Variants in GPC6 observed in about 807,000 individuals in gnomAD.
GPC6 encodes the protein glypican-6.
Under a neutral mutation model 55.2 loss-of-function variants are expected in GPC6, and 14 were observed. The ratio of observed to expected loss-of-function variants is 0.25; its 90% confidence interval spans 0.17 to 0.40. The LOEUF is 0.40. Ranked by LOEUF, GPC6 falls within the 10% of genes least tolerant of loss-of-function variation. GPC6 has a pLI of 1.00. For missense variants in GPC6, 641 were observed against 708.5 expected (o/e 0.90, Z 1.08); for synonymous variants, 278 against 259.6 (o/e 1.07, Z -0.68).
chr13:93,456,342 A>T (rs1000587448), intron 1 of GPC6, among the ~76,000 whole-genome samples: 2 of 152,170 alleles, frequency 1.3e-5, no homozygotes, highest in Non-Finnish European at 2.9e-5. Flanking sequence ...GAACAGAAGC[A>T]TATTTTCTTA....
At chr13:93,619,446 TTTG>T (rs919067573) in intron 2 of GPC6, among the ~76,000 whole-genome samples, 6 of 152,270 alleles carry the variant, frequency 3.9e-5, no homozygotes, top group Admixed American at 1.3e-4. Flanking sequence ...TTTACACTTT[TTTG>T]TTGTTGTTCT....
intron 1 of GPC6, among the ~76,000 whole-genome samples, chr13:93,347,218 A>T (rs1196289566): frequency 1.3e-5 from 2 of 152,196 alleles, no homozygotes; most frequent in Non-Finnish European, 2.9e-5. Context: ...TTATGAAATG[A>T]CCTTACATTG....
At chr13:94,378,664 C>A (rs1004402478) in intron 6 of GPC6, among the ~76,000 whole-genome samples, 2 of 152,158 alleles carry the variant, frequency 1.3e-5, no homozygotes, top group Non-Finnish European at 2.9e-5. Flanking sequence ...TTCCTATGGA[C>A]CCCAACAGTA....
Position 93,476,479 on chromosome 13 carries a change from GC to G in GPC6, c.161-68783del, listed in dbSNP as rs1879306722. ...ACTTGTTTCAAATAACAATCCAACTGCGGGGTTCTGCATGCCACCTCAGTTC... is the reference window on the plus strand; with the variant it reads ...ACTTGTTTCAAATAACAATCCAACTGGGGGTTCTGCATGCCACCTCAGTTC... On this transcript the variant is annotated intron_variant, in intron 1 of 8. Transcript: ENST00000377047. Among the ~76,000 whole-genome samples, 4 of 152,076 alleles carry G rather than the reference GC, an allele frequency of 2.6e-5. No individual in the cohort carries two copies. In the South Asian group the frequency reaches 8.3e-4, roughly 32 times the overall value.
At chr13:93,779,026 C>T (rs1885553526) in intron 2 of GPC6, among the ~76,000 whole-genome samples, 1 of 152,188 alleles carries the variant, frequency 6.6e-6, no homozygotes, top group South Asian at 2.1e-4. Context: ...ACTTGCCAAT[C>T]TAGATTTTGC....
intron 4 of GPC6, among the ~76,000 whole-genome samples, chr13:94,093,972 G>T (rs1164758261): frequency 6.6e-6 from 1 of 152,072 alleles, no homozygotes; most frequent in Non-Finnish European, 1.5e-5. Context: ...ATTTGAAAAT[G>T]CAATATTTCA....
chr13:93,786,250 A>G (rs1417115694), intron 2 of GPC6, among the ~76,000 whole-genome samples: 1 of 152,130 alleles, frequency 6.6e-6, no homozygotes, highest in Non-Finnish European at 1.5e-5. Context: ...AAGCGAAAAC[A>G]CTGTCCACTG....
chr13:93,243,641 A>T (rs1876508778), intron 1 of GPC6, among the ~76,000 whole-genome samples: 1 of 152,034 alleles, frequency 6.6e-6, no homozygotes, highest in African/African-American at 2.4e-5. Flanking sequence ...AGGATTTCTA[A>T]ATAAGGCTGT....
intron 1 of GPC6, among the ~76,000 whole-genome samples, chr13:93,284,188 C>G (rs1426517907): frequency 6.6e-6 from 1 of 152,052 alleles, no homozygotes; most frequent in Non-Finnish European, 1.5e-5. Context: ...TTTTATGGTG[C>G]AAGAAAATAA....
intron 2 of GPC6, among the ~76,000 whole-genome samples, chr13:93,810,032 A>C (rs981399999): frequency 2.0e-5 from 3 of 151,912 alleles, no homozygotes; most frequent in Non-Finnish European, 4.4e-5. Flanking sequence ...CATCCAAAAA[A>C]CTTTGTTCTT....
intron 1 of GPC6, among the ~76,000 whole-genome samples, chr13:93,339,418 T>C (rs1036944453): frequency 1.3e-5 from 2 of 150,244 alleles, no homozygotes; most frequent in Non-Finnish European, 2.9e-5. Flanking sequence ...TGCCATCAAG[T>C]GCTCATTTAT....
rs559437368 is a variant in GPC6, at chr13:94,378,137, G to C, written c.1153-4277G>C. 5.9e-5 allele frequency among the ~76,000 whole-genome samples: 9 copies of C among 152,164 alleles called. No individual in the cohort carries two copies. In the East Asian group the frequency reaches 1.7e-3, roughly 29 times the overall value. On this transcript the variant is annotated intron_variant, in intron 6 of 8. Transcript: ENST00000377047. ...GGTGCAGTGCACCAGCATGGCACATGTATACATATGTAACTAACCTGCACA... is the reference window on the plus strand; with the variant it reads ...GGTGCAGTGCACCAGCATGGCACATCTATACATATGTAACTAACCTGCACA...
chr13:94,157,890 A>G (rs775267545), intron 4 of GPC6, among the ~76,000 whole-genome samples: 8 of 152,284 alleles, frequency 5.3e-5, no homozygotes, highest in Middle Eastern at 3.4e-3. Context: ...CCATGATTGA[A>G]TGTGCACACA....
chr13:93,783,087 C>T (rs908022238), intron 2 of GPC6, among the ~76,000 whole-genome samples: 2 of 152,142 alleles, frequency 1.3e-5, no homozygotes, highest in Non-Finnish European at 2.9e-5. Flanking sequence ...GTTTTCTCTT[C>T]CTCTGTTAGT....
chr13:93,578,117 G>A (rs1442991100), intron 2 of GPC6, among the ~76,000 whole-genome samples: 1 of 151,996 alleles, frequency 6.6e-6, no homozygotes, highest in Non-Finnish European at 1.5e-5. Flanking sequence ...TTTTGTTGAG[G>A]ATTTTTGCTT....
chr13:94,307,510 G>A (rs1245226620), intron 6 of GPC6, among the ~76,000 whole-genome samples: 1 of 152,022 alleles, frequency 6.6e-6, no homozygotes, highest in Non-Finnish European at 1.5e-5. Context: ...GCGTGGTTTT[G>A]CCATGTTGTC....
chr13:94,367,922 G>T (rs191238460), intron 6 of GPC6, among the ~76,000 whole-genome samples: 4 of 151,818 alleles, frequency 2.6e-5, no homozygotes, highest in African/African-American at 9.7e-5. Flanking sequence ...AGGCTGAGGC[G>T]GGCGGATCAT....
At chr13:93,365,067 C>T (rs1881191871) in intron 1 of GPC6, among the ~76,000 whole-genome samples, 1 of 152,048 alleles carries the variant, frequency 6.6e-6, no homozygotes. Flanking sequence ...CACATCACCC[C>T]CATGTCAATG....
At chr13:94,030,776 T>C (rs1883093155) in intron 4 of GPC6, among the ~76,000 whole-genome samples, 1 of 152,152 alleles carries the variant, frequency 6.6e-6, no homozygotes, top group African/African-American at 2.4e-5. Context: ...AATTATAATG[T>C]GCCTATCTAA....
Sources: allele counts gnomAD v4.1 joint callset (sites outside exome capture counted in the v4.1 genomes callset), GRCh38; gene constraint gnomAD v4.1.1; transcripts MANE v1.5; gene names NCBI Gene and HGNC (gene_info 2026-07-23, HGNC 2026-07-21).